The following CHRNA4 variants were observed in gnomAD, a reference collection of about 807,000 sequenced individuals.
The protein encoded by CHRNA4 is cholinergic receptor nicotinic alpha 4 subunit, also known as neuronal acetylcholine receptor subunit alpha-4.
CHRNA4 carries 28 observed loss-of-function variants against 48.9 expected under a neutral mutation model. The ratio of observed to expected loss-of-function variants is 0.57; its 90% confidence interval spans 0.42 to 0.79. The LOEUF (loss-of-function observed/expected upper bound fraction) is 0.79, where lower values mean the gene tolerates loss of function less well. Ranked by LOEUF, CHRNA4 falls within the 30% of genes least tolerant of loss-of-function variation. CHRNA4 has a pLI of 0.00. For synonymous variants in CHRNA4, 425 were observed against 402.3 expected (o/e 1.06, Z -0.68); for missense variants, 859 against 898.4 (o/e 0.96, Z 0.56).
At chr20:63,353,294 G>A (rs920828694) in intron 4 of CHRNA4, among the ~76,000 whole-genome samples, 2 of 152,200 alleles carry the variant, frequency 1.3e-5, no homozygotes, top group Non-Finnish European at 2.9e-5. Context: ...GCCACTCCAG[G>A]AACCCTGGGT....
Position 63,350,800 on chromosome 20 carries a change from C to G in CHRNA4, c.611G>C (p.Trp204Ser). The stretch of plus-strand genomic sequence containing the variant: ...CACGATGACCCACTCGCCACTCTCC[C>G]AGAAGTCCAGCTGGTCCACGCGGCT... ...MHSRVDQLDF[W>S]ESGEWVIVDA... The change falls in exon 5 of 6, where the codon TGG becomes TCG. Residue 204 changes from tryptophan (W) to serine (S), a missense_variant. Transcript: ENST00000370263. 6.2e-7 allele frequency: 1 copy of G among 1,613,884 alleles called. No homozygotes were observed. Among genetic ancestry groups the G allele is most frequent in the Non-Finnish European group, 8.5e-7 (1 of 1,179,956 alleles).
At chr20:63,353,777 CGGTCCTAGGGGGCTAT>C (rs2068660431) in intron 4 of CHRNA4, among the ~76,000 whole-genome samples, 1 of 22,572 alleles carries the variant, frequency 4.4e-5, no homozygotes, top group African/African-American at 1.6e-4. Context: ...TAGGGGGCTG[CGGTCCTAGGGGGCTAT>C]GGTCCTAGAG....
At chr20:63,354,408 G>A (rs2068686878) in intron 4 of CHRNA4, 1 of 146,310 alleles carries the variant, frequency 6.8e-6, no homozygotes, top group Non-Finnish European at 1.5e-5. Flanking sequence ...AGGAGGCACT[G>A]TAGCCCTAGG....
rs1279614097 is a variant in CHRNA4 at position 63,346,074 on chromosome 20, G to A, written c.*664C>T. 2.9e-5 allele frequency: 13 copies of A among 453,886 alleles called. No individual in the cohort carries two copies. The highest frequency in any genetic ancestry group is 9.3e-5 in the South Asian group (6 of 64,478). 28.1% of individuals were successfully genotyped at this position (453,886 alleles called of 1,614,324 possible). ...GTGGGCCTCCCGATTCTCCCCACGC[G>A]GAACCAGCTCCACAAAACTCTGTTC... is the stretch of plus-strand genomic sequence containing the variant. On this transcript the variant is annotated 3_prime_UTR_variant, in exon 6 of 6. Coordinates refer to ENST00000370263, the MANE Select transcript of CHRNA4 (RefSeq NM_000744.7).
rs985213720 is a variant in CHRNA4, at chr20:63,343,254, G to A, written c.*3484C>T. On this transcript the variant is annotated 3_prime_UTR_variant, in exon 6 of 6. Coordinates refer to ENST00000370263, the MANE Select transcript of CHRNA4 (RefSeq NM_000744.7). ...CGGTGCGTTTTATTCATTGAAGTCT[G>A]TGCACACACTGGGAGCACATTCCAG... The A allele has an allele frequency of 2.3e-5, 10 of 426,266 alleles. No individual in the cohort carries two copies. Among genetic ancestry groups the A allele is most frequent in the Admixed American group, 7.4e-5 (3 of 40,338 alleles). The allele number at this position is 426,266 out of a possible 1,614,324, so 26.4% of individuals were successfully genotyped here.
chr20:63,344,944 G>T lies in CHRNA4; in HGVS notation c.*1794C>A. Reference sequence around the variant, plus strand: ...GGGGATGCCCAGGATTTGGCACGGGGGTCTCTGTGTCCCACCCACTCCTGG... The same window carrying T: ...GGGGATGCCCAGGATTTGGCACGGGTGTCTCTGTGTCCCACCCACTCCTGG... On this transcript the variant is annotated 3_prime_UTR_variant, in exon 6 of 6. Transcript: ENST00000370263. This position sits in a 1 kb window ranked among gnomAD's most constrained non-coding sequence, Gnocchi z 4.5. 2.5e-6 allele frequency: 1 copy of T among 406,818 alleles called. No homozygotes were observed. Among genetic ancestry groups the T allele is most frequent in the South Asian group, 1.8e-5 (1 of 56,668 alleles). 25.2% of individuals were successfully genotyped at this position (406,818 alleles called of 1,614,324 possible). A position where few individuals can be genotyped will look rare whatever the true frequency, so the allele number is the denominator to read the frequency against.
rs1314252933 is a variant in CHRNA4 at position 63,346,837 on chromosome 20, G to T, written c.1785C>A (p.Ala595=). 5.0e-6 allele frequency: 8 copies of T among 1,612,610 alleles called. No homozygotes were observed. Among genetic ancestry groups the T allele is most frequent in the Non-Finnish European group, 6.8e-6 (8 of 1,179,644 alleles). ...FSVKEDWKYV[A]MVIDRIFLWM... ...AGAGGAAGATGCGGTCGATGACCAT[G>T]GCCACGTACTTCCAGTCCTCCTTCA... The change falls in exon 6 of 6, where the codon GCC becomes GCA. Residue 595 remains alanine, a synonymous_variant. Coordinates refer to ENST00000370263, the MANE Select transcript of CHRNA4 (RefSeq NM_000744.7).
chr20:63,359,869 C>CTG (rs1296560500), intron 1 of CHRNA4, 170 bp from the exon 2 acceptor site: 34 of 444,744 alleles, frequency 7.6e-5, no homozygotes, highest in Middle Eastern at 6.1e-4. Flanking sequence ...GGCGTGCGCT[C>CTG]TGTGTGTGTG....
chr20:63,356,063 G>A lies in CHRNA4; in HGVS notation c.295C>T (p.Arg99Cys), dbSNP rs201160663. The change falls in exon 4 of 6, where the codon CGC becomes TGC. Residue 99 changes from arginine to cysteine, a missense_variant. By Grantham distance (180) the Arg-to-Cys change is radical (BLOSUM62 -3). Around this residue, in one of 3 missense-constraint regions of CHRNA4, gnomAD observed 342 missense variants for 365.3 expected, o/e 0.94. Coordinates refer to ENST00000370263, the MANE Select transcript of CHRNA4 (RefSeq NM_000744.7). ...TTCTCATAGTCAGCTGGGTCCCAGC[G>A]CAGCTTGTAGTCGTGCCACTCCTGG... ...VKQEWHDYKL[R>C]WDPADYENVT... The A allele has an allele frequency of 5.0e-6, 8 of 1,594,942 alleles. No homozygotes were observed. Among genetic ancestry groups the A allele is most frequent in the Non-Finnish European group, 6.0e-6 (7 of 1,173,148 alleles).
rs1429671086 is a variant in CHRNA4 at position 63,345,227 on chromosome 20, C to CA, written c.*1510dup. On this transcript the variant is annotated 3_prime_UTR_variant, in exon 6 of 6. Transcript: ENST00000370263. The surrounding 1 kb of genome is among the most constrained non-coding windows in gnomAD (Gnocchi z 5.4). ...GGCTCGGGGACAGAGGAATGAGACT[C>CA]AGTGGGACGCAGAGCCCAACCCCAT... The CA allele has an allele frequency of 2.2e-6, 1 of 446,460 alleles. No individual in the cohort carries two copies. The highest frequency in any genetic ancestry group is 4.5e-6 in the Non-Finnish European group (1 of 220,936). The allele number at this position is 446,460 out of a possible 1,614,324, so 27.7% of individuals were successfully genotyped here. A position where few individuals can be genotyped will look rare whatever the true frequency, so the allele number is the denominator to read the frequency against.
Position 63,350,349 on chromosome 20 carries a change from G to A in CHRNA4, c.1062C>T (p.Arg354=), listed in dbSNP as rs764108665. Residue 354 remains arginine, a synonymous_variant, in exon 5 of 6, where the codon CGC becomes CGT. Coordinates refer to ENST00000370263, the MANE Select transcript of CHRNA4 (RefSeq NM_000744.7). ...VRRVFLDIVP[R]LLLMKRPSVV... is the part of the protein sequence containing the mutation. The stretch of plus-strand genomic sequence containing the variant: ...CGGACGGCCGCTTCATGAGGAGCAG[G>A]CGTGGCACGATGTCCAGGAAGACCC... The A allele has an allele frequency of 9.3e-6, 15 of 1,613,618 alleles. No individual in the cohort carries two copies. In the Admixed American group the frequency reaches 1.0e-4, roughly 11 times the overall value.
In CHRNA4 at chr20:63,343,292, A is replaced by G. The variant is rs1257471471; in HGVS notation, c.*3446T>C. 1 of 445,326 alleles carries G rather than the reference A, an allele frequency of 2.2e-6. No individual in the cohort carries two copies. Among genetic ancestry groups the G allele is most frequent in the Admixed American group, 2.4e-5 (1 of 42,276 alleles). 27.6% of individuals were successfully genotyped at this position (445,326 alleles called of 1,614,324 possible). A position where few individuals can be genotyped will look rare whatever the true frequency, so the allele number is the denominator to read the frequency against. Reference sequence around the variant, plus strand: ...GAGCACATTCCAGGGCTTGGCAGACATTGCCTGCAGAAGCCGGGCGGCCGC... The same window carrying G: ...GAGCACATTCCAGGGCTTGGCAGACGTTGCCTGCAGAAGCCGGGCGGCCGC... On this transcript the variant is annotated 3_prime_UTR_variant, in exon 6 of 6. Transcript: ENST00000370263.
chr20:63,345,124 G>A lies in CHRNA4; in HGVS notation c.*1614C>T, dbSNP rs763926111. On this transcript the variant is annotated 3_prime_UTR_variant, in exon 6 of 6. Transcript: ENST00000370263. The surrounding 1 kb of genome is among the most constrained non-coding windows in gnomAD (Gnocchi z 5.4). The stretch of plus-strand genomic sequence containing the variant: ...ACACAGCGGCATTTCTGGGGCACTC[G>A]GCATGCCGGGTTCCTAACCTCAATT... 8.4e-5 allele frequency: 38 copies of A among 454,040 alleles called. No individual in the cohort carries two copies. The highest frequency in any genetic ancestry group is 7.0e-4 in the East Asian group (10 of 14,378). 28.1% of individuals were successfully genotyped at this position (454,040 alleles called of 1,614,324 possible). A position where few individuals can be genotyped will look rare whatever the true frequency, so the allele number is the denominator to read the frequency against.
chr20:63,357,807 G>A (rs1320463060), intron 2 of CHRNA4, among the ~76,000 whole-genome samples: 1 of 152,208 alleles, frequency 6.6e-6, no homozygotes, highest in African/African-American at 2.4e-5. Flanking sequence ...CAGCACCCAC[G>A]TGTGCATGTT....
At chr20:63,351,086 C>A in intron 4 of CHRNA4, 59 bp from the exon 5 acceptor site, 2 of 1,557,378 alleles carry the variant, frequency 1.3e-6, no homozygotes, top group South Asian at 1.1e-5. Flanking sequence ...CGTCCACACC[C>A]ACGCCCACTG....
chr20:63,343,365 C>T lies in CHRNA4; in HGVS notation c.*3373G>A. The T allele has an allele frequency of 2.2e-6, 1 of 454,030 alleles. No individual in the cohort carries two copies. The highest frequency in any genetic ancestry group is 1.6e-5 in the South Asian group (1 of 64,478). The allele number at this position is 454,030 out of a possible 1,614,324, so 28.1% of individuals were successfully genotyped here. On this transcript the variant is annotated 3_prime_UTR_variant, in exon 6 of 6. Coordinates refer to ENST00000370263, the MANE Select transcript of CHRNA4 (RefSeq NM_000744.7). ...GGTCGGCGGGGCTTGGTCCATGGGG[C>T]TGGCCGGGCTTGCATCCCCAGGTGC...
In CHRNA4 at chr20:63,344,097, A is replaced by C. The variant is rs1309691221; in HGVS notation, c.*2641T>G. On this transcript the variant is annotated 3_prime_UTR_variant, in exon 6 of 6. Transcript: ENST00000370263. The surrounding 1 kb of genome is among the most constrained non-coding windows in gnomAD (Gnocchi z 4.5). ...GGACAAACTGCGTCTTAGTTTATTC[A>C]GACAGAAGAACACTGCTCACAATTA... 2.2e-6 allele frequency: 1 copy of C among 454,176 alleles called. No homozygotes were observed. Among genetic ancestry groups the C allele is most frequent in the Non-Finnish European group, 4.4e-6 (1 of 226,798 alleles). 28.1% of individuals were successfully genotyped at this position (454,176 alleles called of 1,614,324 possible).
chr20:63,353,165 T>A (rs2068641462), intron 4 of CHRNA4, among the ~76,000 whole-genome samples: 1 of 152,132 alleles, frequency 6.6e-6, no homozygotes, highest in Admixed American at 6.5e-5. Context: ...CAACTGGGGG[T>A]GGCCAAATCC....
In CHRNA4 at chr20:63,350,999, G is replaced by C. The variant is rs372063405; in HGVS notation, c.412C>G (p.Leu138Val). ...NADGDFAVTH[L>V]TKAHLFHDGR... is the part of the protein sequence containing the mutation. The stretch of plus-strand genomic sequence containing the variant: ...TCATGGAACAGGTGGGCCTTGGTCA[G>C]GTGGGTGACCGCGAAGTCCCCGTCA... Residue 138 changes from leucine to valine, a missense_variant, in exon 5 of 6, where the codon CTG (leucine) becomes GTG (valine). Transcript: ENST00000370263. The C allele has an allele frequency of 6.2e-7, 1 of 1,613,292 alleles. No homozygotes were observed. Among genetic ancestry groups the C allele is most frequent in the East Asian group, 2.2e-5 (1 of 44,858 alleles).
Sources: allele counts gnomAD v4.1 joint callset (sites outside exome capture counted in the v4.1 genomes callset), GRCh38; gene constraint gnomAD v4.1.1; regional missense constraint gnomAD v4.1.1; non-coding constraint Gnocchi (gnomAD v3.1); transcripts MANE v1.5; gene names NCBI Gene and HGNC (gene_info 2026-07-23, HGNC 2026-07-21).